TXNDC8: variants seen among roughly 807,000 people sequenced by gnomAD.
TXNDC8 encodes the protein thioredoxin domain containing 8, also known as thioredoxin domain-containing protein 8.
In TXNDC8, 15 loss-of-function variants were observed where a neutral mutation model predicts 12.9. That is an observed-to-expected ratio of 1.16 (90% CI 0.78 to 1.79). The LOEUF is 1.79. Among genes scored for constraint, TXNDC8 ranks in the 40% most tolerant of loss-of-function variants. TXNDC8 has a pLI of 0.00. For missense variants in TXNDC8, 128 were observed against 113.2 expected, an observed-to-expected ratio of 1.13 and a Z score of -0.59; for synonymous variants, 40 against 35.4, an observed-to-expected ratio of 1.13 and a Z score of -0.46.
intron 3 of TXNDC8, among the ~76,000 whole-genome samples, chr9:110,317,749 A>G (rs147914497): frequency 1.7e-4 from 26 of 152,322 alleles, no homozygotes; most frequent in African/African-American, 5.5e-4. Context: ...CATTATGACT[A>G]CTTATAATAA....
rs113828273 is a variant in TXNDC8, at chr9:110,315,595, T to C, written c.195+10580A>G. On this transcript the variant is annotated intron_variant, in intron 3 of 4. Transcript: ENST00000423740. ...AGCAAAATATCTTGGCCAGTTGATA[T>C]GCAATTTTGGTTTTGATCTTCTTGC... is the stretch of plus-strand genomic sequence containing the variant. Among the ~76,000 whole-genome samples, 882 of 152,234 alleles carry C rather than the reference T, an allele frequency of 5.8e-3. 9 individuals are homozygous for C. Among genetic ancestry groups the C allele is most frequent in the African/African-American group, 0.02 (836 of 41,526 alleles).
intron 3 of TXNDC8, among the ~76,000 whole-genome samples, chr9:110,319,260 G>A (rs1358222605): frequency 2.6e-5 from 4 of 152,220 alleles, no homozygotes; most frequent in Admixed American, 2.6e-4. Context: ...GGCAACCCCT[G>A]AATGCTAAGA....
chr9:110,316,653 C>CA, intron 3 of TXNDC8, among the ~76,000 whole-genome samples: 1 of 152,312 alleles, frequency 6.6e-6, no homozygotes, highest in South Asian at 2.1e-4. Flanking sequence ...GCCTTCTTCT[C>CA]AACTTGTTCT....
At chr9:110,322,879 A>G (rs554471305) in intron 3 of TXNDC8, 1 of 985,396 alleles carries the variant, frequency 1.0e-6, no homozygotes. Flanking sequence ...TCCACTTGGG[A>G]TTCTTCTAGT....
chr9:110,334,451 C>T, intron 1 of TXNDC8, 131 bp from the exon 2 acceptor site: 1 of 682,150 alleles, frequency 1.5e-6, no homozygotes, highest in Non-Finnish European at 2.5e-6. Flanking sequence ...ACTATGCTGC[C>T]CAGGCTGGTC....
chr9:110,332,778 G>T (rs1564108970), intron 2 of TXNDC8, among the ~76,000 whole-genome samples: 1 of 152,150 alleles, frequency 6.6e-6, no homozygotes, highest in Non-Finnish European at 1.5e-5. Flanking sequence ...GATATTAAAA[G>T]ATTCATTTGG....
chr9:110,320,333 T>C (rs1839043774), intron 3 of TXNDC8, among the ~76,000 whole-genome samples: 1 of 152,158 alleles, frequency 6.6e-6, no homozygotes, highest in South Asian at 2.1e-4. Context: ...GAATAAGTCT[T>C]ATGAGAACCT....
chr9:110,305,600 TTCTTTC>T (rs1393780303), intron 3 of TXNDC8, among the ~76,000 whole-genome samples: 1 of 132,310 alleles, frequency 7.6e-6, no homozygotes, highest in Non-Finnish European at 1.5e-5. Flanking sequence ...CTTTCTTTCT[TTCTTTC>T]TTTCTTTTTC....
chr9:110,313,795 C>T (rs1838778551), intron 3 of TXNDC8, among the ~76,000 whole-genome samples: 2 of 152,112 alleles, frequency 1.3e-5, no homozygotes, highest in Non-Finnish European at 2.9e-5. Flanking sequence ...TGTTCTTCTC[C>T]CTTCTTCCCC....
At chr9:110,301,710 A>G (rs1838273906), downstream of TXNDC8, among the ~76,000 whole-genome samples, 2 of 152,244 alleles carry the variant, frequency 1.3e-5, no homozygotes, top group Non-Finnish European at 1.5e-5. Context: ...CTGTAGCAAC[A>G]TAAAGGATGA....
At chr9:110,334,985 ACTGT>A (rs1233454405) in intron 1 of TXNDC8, among the ~76,000 whole-genome samples, 1 of 152,176 alleles carries the variant, frequency 6.6e-6, no homozygotes, top group Non-Finnish European at 1.5e-5. Flanking sequence ...TTTCCCATCA[ACTGT>A]TTGTATCATC....
At chr9:110,330,777 G>T (rs1213668692) in intron 2 of TXNDC8, among the ~76,000 whole-genome samples, 1 of 152,234 alleles carries the variant, frequency 6.6e-6, no homozygotes, top group Non-Finnish European at 1.5e-5. Context: ...AACTGTGACA[G>T]AGATCATATG....
chr9:110,309,005 G>T (rs1838562455), intron 3 of TXNDC8, among the ~76,000 whole-genome samples: 1 of 152,208 alleles, frequency 6.6e-6, no homozygotes, highest in African/African-American at 2.4e-5. Flanking sequence ...CAAAGTTAGG[G>T]ATGGCTGAGA....
intron 3 of TXNDC8, chr9:110,323,937 G>A (rs1161384707): frequency 6.4e-7 from 1 of 1,550,974 alleles, no homozygotes; most frequent in African/African-American, 1.4e-5. Flanking sequence ...GGCTTGACTG[G>A]AGTCAAGGGT....
At chr9:110,334,407 G>T (rs1217246510) in intron 1 of TXNDC8, 87 bp from the exon 2 acceptor site, 2 of 1,312,788 alleles carry the variant, frequency 1.5e-6, no homozygotes, top group Non-Finnish European at 2.1e-6. Flanking sequence ...ATTAGTTTTG[G>T]TTTTGTTTTT....
intron 3 of TXNDC8, among the ~76,000 whole-genome samples, chr9:110,311,779 T>C (rs1838696968): frequency 6.9e-6 from 1 of 144,684 alleles, no homozygotes; most frequent in Non-Finnish European, 1.5e-5. Flanking sequence ...ATATATACTA[T>C]ATATGGATAT....
chr9:110,323,423 A>C, intron 3 of TXNDC8: 1 of 811,468 alleles, frequency 1.2e-6, no homozygotes, highest in South Asian at 5.7e-5. Flanking sequence ...CTAAGGAATC[A>C]AGAATTGAGA....
chr9:110,328,057 A>C (rs1255803812), intron 2 of TXNDC8, among the ~76,000 whole-genome samples: 3 of 152,212 alleles, frequency 2.0e-5, no homozygotes, highest in African/African-American at 7.2e-5. Context: ...TCATTTATTT[A>C]ATGTATTTTA....
At chr9:110,333,302 C>T (rs1169973484) in intron 2 of TXNDC8, among the ~76,000 whole-genome samples, 5 of 152,138 alleles carry the variant, frequency 3.3e-5, no homozygotes, top group Admixed American at 3.3e-4. Context: ...GGAGCAAGAA[C>T]CGTATTCTGA....
Sources: gnomAD v4.1 joint callset for allele counts (sites outside exome capture counted in the v4.1 genomes callset) on GRCh38, gnomAD v4.1.1 for gene constraint, MANE v1.5 for transcripts, NCBI Gene and HGNC (gene_info 2026-07-23, HGNC 2026-07-21) for gene names.